CTNNA2: variants seen among roughly 807,000 people sequenced by gnomAD.
The protein encoded by CTNNA2 is catenin alpha-2.
A neutral mutation model predicts 101.0 loss-of-function variants in CTNNA2; 42 were observed. The observed-to-expected ratio is 0.42, with a 90% CI of 0.32 to 0.54. The LOEUF is 0.54. Ranked by LOEUF, CTNNA2 falls within the 20% of genes least tolerant of loss-of-function variation. The pLI is 0.14. For synonymous variants in CTNNA2, 450 were observed against 456.4 expected (o/e 0.99, Z 0.18); for missense variants, 871 against 1,223.1 (o/e 0.71, Z 4.29).
At chr2:79,492,452 T>A (rs1473710500) in intron 4 of CTNNA2, among the ~76,000 whole-genome samples, 1 of 151,994 alleles carries the variant, frequency 6.6e-6, no homozygotes, top group Non-Finnish European at 1.5e-5. Flanking sequence ...TGTATAATTA[T>A]GTTTTGAAAT....
chr2:79,430,121 T>C (rs1678640879), intron 4 of CTNNA2, among the ~76,000 whole-genome samples: 1 of 152,050 alleles, frequency 6.6e-6, no homozygotes. Context: ...AATCTCAAGC[T>C]CCAAGCCTGG....
At chr2:79,888,526 CT>C (rs1684063162) in intron 6 of CTNNA2, among the ~76,000 whole-genome samples, 1 of 152,080 alleles carries the variant, frequency 6.6e-6, no homozygotes, top group Admixed American at 6.5e-5. Flanking sequence ...ATTTACTTTT[CT>C]CTTGCGCATT....
At chr2:79,540,558 C>T (rs1673344912) in intron 1 of CTNNA2, among the ~76,000 whole-genome samples, 1 of 152,188 alleles carries the variant, frequency 6.6e-6, no homozygotes, top group African/African-American at 2.4e-5. Context: ...TAATCGTTTA[C>T]ATTACTGTTT....
chr2:79,928,679 G>A (rs147918453), intron 7 of CTNNA2, among the ~76,000 whole-genome samples: 1 of 152,220 alleles, frequency 6.6e-6, no homozygotes, highest in African/African-American at 2.4e-5. Flanking sequence ...TTTTGCATGG[G>A]TGATACAGAT....
At chr2:79,312,482 T>C (rs1339061513) in intron 2 of CTNNA2, among the ~76,000 whole-genome samples, 5 of 152,352 alleles carry the variant, frequency 3.3e-5, no homozygotes, top group Admixed American at 6.5e-5. Context: ...TTGAGTACTT[T>C]GTGTGTCAGA....
At chr2:80,346,819 C>T (rs1334005871) in intron 7 of CTNNA2, among the ~76,000 whole-genome samples, 1 of 152,106 alleles carries the variant, frequency 6.6e-6, no homozygotes, top group African/African-American at 2.4e-5. Flanking sequence ...TCTGCCTTTC[C>T]AATTTAAAAT....
At chr2:80,609,324 T>G (rs1248863295) in intron 17 of CTNNA2, among the ~76,000 whole-genome samples, 2 of 151,784 alleles carry the variant, frequency 1.3e-5, no homozygotes, top group Non-Finnish European at 2.9e-5. Flanking sequence ...AACCCAACTG[T>G]TTTTGTTCCC....
intron 7 of CTNNA2, among the ~76,000 whole-genome samples, chr2:80,147,439 C>T (rs72926629): frequency 0.024 from 3,625 of 152,098 alleles, 153 homozygotes; most frequent in African/African-American, 0.083. Flanking sequence ...ATAAAAATGG[C>T]GAATGGATAT....
chr2:80,337,602 A>T (rs1422877413), intron 7 of CTNNA2, among the ~76,000 whole-genome samples: 1 of 151,806 alleles, frequency 6.6e-6, no homozygotes, highest in Non-Finnish European at 1.5e-5. Context: ...AGGGTGTGTG[A>T]GTGCACACAC....
At chr2:79,633,789 C>A (rs1171869486) in intron 1 of CTNNA2, 1 of 152,206 alleles carries the variant, frequency 6.6e-6, no homozygotes, top group African/African-American at 2.4e-5. Context: ...GACAGGTCAT[C>A]TGTCTCTATT....
chr2:79,452,217 C>T (rs1002244373), intron 4 of CTNNA2, among the ~76,000 whole-genome samples: 1 of 152,058 alleles, frequency 6.6e-6, no homozygotes, highest in Admixed American at 6.6e-5. Context: ...AAGTGCCTTC[C>T]ATTGATTGAG....
intron 5 of CTNNA2, among the ~76,000 whole-genome samples, chr2:79,870,447 G>A (rs1326500802): frequency 6.7e-6 from 1 of 149,014 alleles, no homozygotes; most frequent in African/African-American, 2.5e-5. Flanking sequence ...GAAAGGGAGA[G>A]AGAACAGGGG....
intron 2 of CTNNA2, among the ~76,000 whole-genome samples, chr2:79,703,787 C>T (rs1276575402): frequency 1.3e-5 from 2 of 152,070 alleles, no homozygotes; most frequent in African/African-American, 2.4e-5. Context: ...ATTCTGGTAA[C>T]AGAAGTCAAT....
rs1005643091 is a variant in CTNNA2 at position 80,368,240 on chromosome 2, A to AAAAT, written c.1057-24969_1057-24966dup. On this transcript the variant is annotated intron_variant, in intron 7 of 18. Coordinates refer to ENST00000402739, the MANE Select transcript of CTNNA2 (RefSeq NM_001282597.3). ...TTCAGCATCTGCAAAGAGAGATTAT[A>AAAAT]AAATACTACCCAAGTTATGGGTTGC... 3.1e-4 allele frequency among the ~76,000 whole-genome samples: 47 copies of AAAAT among 152,166 alleles called. 1 individual carries two copies. The highest frequency in any genetic ancestry group is 1.0e-3 in the African/African-American group (42 of 41,428).
chr2:79,532,207 C>G (rs573852977), intron 1 of CTNNA2, among the ~76,000 whole-genome samples: 2 of 151,996 alleles, frequency 1.3e-5, no homozygotes, highest in African/African-American at 2.4e-5. Flanking sequence ...ATGTGGCTCT[C>G]TCAGCCCACT....
intron 7 of CTNNA2, among the ~76,000 whole-genome samples, chr2:80,297,054 C>A (rs1231056082): frequency 6.6e-6 from 1 of 152,212 alleles, no homozygotes; most frequent in Non-Finnish European, 1.5e-5. Flanking sequence ...GCCATTTCTT[C>A]TCCTGGAACC....
At chr2:79,855,003 T>G (rs1681015653) in intron 3 of CTNNA2, among the ~76,000 whole-genome samples, 1 of 152,238 alleles carries the variant, frequency 6.6e-6, no homozygotes, top group Non-Finnish European at 1.5e-5. Flanking sequence ...ATTAAAATTA[T>G]AGCTGATTTG....
intron 7 of CTNNA2, among the ~76,000 whole-genome samples, chr2:80,332,913 T>A (rs1387478383): frequency 6.6e-6 from 1 of 152,206 alleles, no homozygotes; most frequent in Non-Finnish European, 1.5e-5. Flanking sequence ...GAGTTTATGT[T>A]TTTAAATGGC....
chr2:79,244,740 T>C (rs1674677891), intron 2 of CTNNA2, among the ~76,000 whole-genome samples: 1 of 152,224 alleles, frequency 6.6e-6, no homozygotes, highest in African/African-American at 2.4e-5. Flanking sequence ...TCTTTTTTAA[T>C]ACATATTTGT....
Sources: allele counts gnomAD v4.1 joint callset (sites outside exome capture counted in the v4.1 genomes callset), GRCh38; gene constraint gnomAD v4.1.1; transcripts MANE v1.5; gene names NCBI Gene and HGNC (gene_info 2026-07-23, HGNC 2026-07-21).